The following RFX1 variants were observed in gnomAD, a reference collection of about 807,000 sequenced individuals.
The protein encoded by RFX1 is regulatory factor X1, also known as MHC class II regulatory factor RFX1.
A neutral mutation model predicts 119.6 loss-of-function variants in RFX1; 42 were observed. The observed-to-expected ratio is 0.35, with a 90% CI of 0.27 to 0.45. The LOEUF (loss-of-function observed/expected upper bound fraction) is 0.45, where lower values mean the gene tolerates loss of function less well. Among genes scored for constraint, RFX1 ranks in the 20% least tolerant of loss-of-function variants. RFX1 has a pLI of 1.00. For missense variants in RFX1, 1,118 were observed against 1,368.1 expected, an observed-to-expected ratio of 0.82 and a Z score of 2.88; for synonymous variants, 628 against 618.5, an observed-to-expected ratio of 1.02 and a Z score of -0.23.
At chr19:13,989,829 C>G (rs1340446693) in intron 2 of RFX1, among the ~76,000 whole-genome samples, 1 of 148,648 alleles carries the variant, frequency 6.7e-6, no homozygotes, top group Admixed American at 6.8e-5. Flanking sequence ...GGCGGAGGCT[C>G]GACCAGGATT....
Position 13,962,735 on chromosome 19 carries a change from T to C in RFX1, c.2900A>G (p.Asp967Gly), listed in dbSNP as rs1246406817. Residue 967 changes from aspartate (D) to glycine (G), a missense_variant, in exon 21 of 21, where the codon GAC becomes GGC. Physicochemically the swap from Asp to Gly is moderately conservative, Grantham distance 94. Transcript: ENST00000254325. ...CGCCTGCACGAAGAGGCCGCGCGCG[T>C]CAGTCCGCGCCAGCTTGGCCGGCGG... ...LEPPAKLARTDARGLFVQALP... is the reference protein window; with the variant it reads ...LEPPAKLARTGARGLFVQALP... 1 of 1,530,258 alleles carries C rather than the reference T, an allele frequency of 6.5e-7. No individual in the cohort carries two copies. The highest frequency in any genetic ancestry group is 1.4e-5 in the African/African-American group (1 of 72,764). 94.8% of individuals were successfully genotyped at this position (1,530,258 alleles called of 1,614,324 possible). A position where few individuals can be genotyped will look rare whatever the true frequency, so the allele number is the denominator to read the frequency against.
chr19:13,962,984 C>T lies in RFX1; in HGVS notation c.2770+10G>A, dbSNP rs1250586471. On this transcript the variant is annotated intron_variant, in intron 20 of 20. Coordinates refer to ENST00000254325, the MANE Select transcript of RFX1 (RefSeq NM_002918.5). The stretch of plus-strand genomic sequence containing the variant: ...GACCCGCGCCCTGGGTGGGAACACG[C>T]CTCGCCTACCTTTGTCGGGGTCCAG... 1 of 1,550,316 alleles carries T rather than the reference C, an allele frequency of 6.5e-7. No homozygotes were observed.
intron 1 of RFX1, among the ~76,000 whole-genome samples, chr19:14,000,465 CACACAT>C (rs377028977): frequency 3.3e-4 from 50 of 152,016 alleles, no homozygotes; most frequent in Admixed American, 9.2e-4. Context: ...CATACAAACA[CACACAT>C]ACACATACAC....
At chr19:13,982,572 G>A (rs1974463006) in intron 4 of RFX1, among the ~76,000 whole-genome samples, 1 of 152,180 alleles carries the variant, frequency 6.6e-6, no homozygotes, top group African/African-American at 2.4e-5. Flanking sequence ...GGGAGACTGA[G>A]GCGGGCAGAT....
At chr19:14,000,256 C>T (rs927196697) in intron 1 of RFX1, among the ~76,000 whole-genome samples, 20 of 152,090 alleles carry the variant, frequency 1.3e-4, no homozygotes, top group South Asian at 1.0e-3. Flanking sequence ...AAGGCTGAGG[C>T]GGGCGGATCA....
chr19:13,973,102 C>T lies in RFX1; in HGVS notation c.955G>A (p.Glu319Lys), dbSNP rs780486654. Reference sequence around the variant, plus strand: ...GCCGTCTGCGTGTACAGCGGCGTCTCGGGATAGGAGTAGGTGCTGGAACGG... The same window carrying T: ...GCCGTCTGCGTGTACAGCGGCGTCTTGGGATAGGAGTAGGTGCTGGAACGG... ...AIRSSTYSYP[E>K]TPLYTQTAST... The change falls in exon 9 of 21, where the codon GAG (glutamate) becomes AAG (lysine). Residue 319 changes from glutamate to lysine, a missense_variant. Physicochemically the swap from Glu to Lys is moderately conservative, Grantham distance 56 (BLOSUM62 1). Coordinates refer to ENST00000254325, the MANE Select transcript of RFX1 (RefSeq NM_002918.5). 2.8e-5 allele frequency: 44 copies of T among 1,597,772 alleles called. No individual in the cohort carries two copies. The highest frequency in any genetic ancestry group is 1.7e-4 in the Middle Eastern group (1 of 6,008).
intron 9 of RFX1, among the ~76,000 whole-genome samples, chr19:13,971,986 C>T (rs979760309): frequency 2.6e-5 from 4 of 151,978 alleles, no homozygotes; most frequent in Admixed American, 6.6e-5. Flanking sequence ...AGCCTGGCGA[C>T]AGAGCAAGAC....
rs958374174 is a variant in RFX1 at position 13,989,234 on chromosome 19, G to T, written c.319+4291C>A. ...TGGCGGGTTTGTGGAGCTGTAGGAA[G>T]GCAAGAGGGGCTGGACCAGGTATGT... On this transcript the variant is annotated intron_variant, in intron 2 of 20. Coordinates refer to ENST00000254325, the MANE Select transcript of RFX1 (RefSeq NM_002918.5). Among the ~76,000 whole-genome samples, 4 of 152,206 alleles carry T rather than the reference G, an allele frequency of 2.6e-5. No homozygotes were observed. The South Asian group carries it at 6.2e-4, about 24-fold the overall frequency.
At chr19:13,979,420 C>T (rs772911741) in intron 7 of RFX1, 27 bp downstream of exon 7, 16 of 1,497,950 alleles carry the variant, frequency 1.1e-5, no homozygotes, top group Non-Finnish European at 1.3e-5. Flanking sequence ...CCCCTTTGCC[C>T]GTGGGGTAGG....
intron 8 of RFX1, among the ~76,000 whole-genome samples, chr19:13,976,427 C>T (rs1039779400): frequency 6.6e-6 from 1 of 152,210 alleles, no homozygotes; most frequent in African/African-American, 2.4e-5. Context: ...GCATGGAGGA[C>T]CCCCGGCGAG....
chr19:13,981,568 C>G (rs1974430990), intron 5 of RFX1, among the ~76,000 whole-genome samples: 1 of 152,202 alleles, frequency 6.6e-6, no homozygotes, highest in Non-Finnish European at 1.5e-5. Flanking sequence ...TTCACTCCAG[C>G]CTGGGGGACA....
chr19:13,997,727 G>A (rs2145634598), intron 1 of RFX1, among the ~76,000 whole-genome samples: 1 of 152,326 alleles, frequency 6.6e-6, no homozygotes, highest in Admixed American at 6.5e-5. Flanking sequence ...GGGCCCTGGG[G>A]CCACCCTCCC....
intron 12 of RFX1, among the ~76,000 whole-genome samples, chr19:13,967,994 C>G (rs960414109): frequency 1.3e-5 from 2 of 152,050 alleles, no homozygotes; most frequent in Non-Finnish European, 2.9e-5. Flanking sequence ...TGGCTCATGC[C>G]TGTAATCCCA....
intron 7 of RFX1, 61 bp downstream of exon 7, chr19:13,979,386 T>G: frequency 8.2e-7 from 1 of 1,221,666 alleles, no homozygotes; most frequent in Non-Finnish European, 1.1e-6. Flanking sequence ...GGGCCTGCAC[T>G]CCCCAGCCCC....
intron 6 of RFX1, 137 bp from the exon 7 acceptor site, chr19:13,979,679 G>T: frequency 2.0e-6 from 1 of 492,890 alleles, no homozygotes; most frequent in South Asian, 4.1e-5. Context: ...GCCAAGCAAG[G>T]AGGGTGCTGG....
At chr19:13,999,127 C>T (rs748169241) in intron 1 of RFX1, among the ~76,000 whole-genome samples, 1 of 152,170 alleles carries the variant, frequency 6.6e-6, no homozygotes, top group African/African-American at 2.4e-5. Context: ...AGCAATTATA[C>T]AGGTTTGTTC....
At chr19:13,976,057 C>T (rs1031662126) in intron 8 of RFX1, among the ~76,000 whole-genome samples, 1 of 152,262 alleles carries the variant, frequency 6.6e-6, no homozygotes, top group Non-Finnish European at 1.5e-5. Flanking sequence ...CCTTGGACAC[C>T]GTGTTCCTCT....
rs1416556874 is a variant in RFX1, at chr19:13,969,117, A to G, written c.1497-223T>C. ...TATGCATAAATGAATGGCTGAATGG[A>G]TGAATGGCTGAACGAGGTGACGCTG... On this transcript the variant is annotated intron_variant, in intron 10 of 20. Coordinates refer to ENST00000254325, the MANE Select transcript of RFX1 (RefSeq NM_002918.5). This position sits in a 1 kb window ranked among gnomAD's most constrained non-coding sequence, Gnocchi z 4.5. Among the ~76,000 whole-genome samples, 1 of 152,206 alleles carries G rather than the reference A, an allele frequency of 6.6e-6. No individual in the cohort carries two copies. The highest frequency in any genetic ancestry group is 1.9e-4 in the East Asian group (1 of 5,202).
At position 13,982,126 on chromosome 19, in the gene RFX1, G is replaced by C. The variant is rs1355238878; in HGVS notation, c.616C>G (p.Pro206Ala). Residue 206 changes from proline (P) to alanine (A), a missense_variant, in exon 5 of 21, where the codon CCA (proline) becomes GCA (alanine). Coordinates refer to ENST00000254325, the MANE Select transcript of RFX1 (RefSeq NM_002918.5). ...CCAACAGGACCACCACTTACCTCTG[G>C]GGGCGAGTGCACCTGCTGGGTACCA... Reference protein sequence around the residue: ...VHGTQQVHSPPEQSPVQANSS... With the variant: ...VHGTQQVHSPAEQSPVQANSS... 3.1e-6 allele frequency: 4 copies of C among 1,309,896 alleles called. No homozygotes were observed. The highest frequency in any genetic ancestry group is 3.9e-6 in the Non-Finnish European group (4 of 1,019,652). The allele number at this position is 1,309,896 out of a possible 1,614,324, so 81.1% of individuals were successfully genotyped here.
Sources: allele counts gnomAD v4.1 joint callset (sites outside exome capture counted in the v4.1 genomes callset), GRCh38; gene constraint gnomAD v4.1.1; non-coding constraint Gnocchi (gnomAD v3.1); transcripts MANE v1.5; gene names NCBI Gene and HGNC (gene_info 2026-07-23, HGNC 2026-07-21).